The following XKR4 variants were observed in gnomAD, a reference collection of about 807,000 sequenced individuals.
XKR4 encodes XK-related protein 4.
XKR4 carries 12 observed loss-of-function variants against 53.9 expected under a neutral mutation model. That is an observed-to-expected ratio of 0.22 (90% CI 0.14 to 0.36). The LOEUF is 0.36. Ranked by LOEUF, XKR4 falls within the 10% of genes least tolerant of loss-of-function variation. XKR4 has a pLI of 1.00. For missense variants in XKR4, 799 were observed against 859.5 expected (o/e 0.93, Z 0.88); for synonymous variants, 354 against 362.4 (o/e 0.98, Z 0.26).
At chr8:55,178,330 G>A (rs527543056) in intron 1 of XKR4, among the ~76,000 whole-genome samples, 2 of 152,268 alleles carry the variant, frequency 1.3e-5, no homozygotes, top group South Asian at 4.2e-4. Context: ...GCTATTGTGT[G>A]ATCTTGGGCT....
intron 2 of XKR4, among the ~76,000 whole-genome samples, chr8:55,365,740 G>A (rs894137649): frequency 6.6e-6 from 1 of 150,760 alleles, no homozygotes; most frequent in South Asian, 2.1e-4. Context: ...GATTTAGATC[G>A]AGGAATGGGC....
chr8:55,173,104 G>A (rs1817184744), intron 1 of XKR4, among the ~76,000 whole-genome samples: 1 of 152,130 alleles, frequency 6.6e-6, no homozygotes. Flanking sequence ...TAGAATTACT[G>A]CAAATGCTCA....
chr8:55,345,791 T>A (rs1289466878), intron 1 of XKR4, among the ~76,000 whole-genome samples: 1 of 152,110 alleles, frequency 6.6e-6, no homozygotes, highest in Non-Finnish European at 1.5e-5. Context: ...ACAATGACAA[T>A]GAAGAGTGGA....
At chr8:55,247,855 C>CTTTCTTTCTTTTT (rs369983175) in intron 1 of XKR4, among the ~76,000 whole-genome samples, 1 of 59,856 alleles carries the variant, frequency 1.7e-5, no homozygotes, top group African/African-American at 4.5e-5. Flanking sequence ...TTCTTTCTTT[C>CTTTCTTTCTTTTT]TTTTTTTTTT....
intron 2 of XKR4, among the ~76,000 whole-genome samples, chr8:55,429,499 A>G (rs1473287998): frequency 1.3e-5 from 2 of 152,160 alleles, no homozygotes; most frequent in African/African-American, 2.4e-5. Context: ...GCTTGAGGCC[A>G]GCAGTTCAAG....
intron 1 of XKR4, among the ~76,000 whole-genome samples, chr8:55,315,733 T>C (rs1409608147): frequency 6.6e-6 from 1 of 152,164 alleles, no homozygotes. Context: ...CTCGTCAGTC[T>C]AGAAAACCCC....
intron 1 of XKR4, among the ~76,000 whole-genome samples, chr8:55,340,721 C>G (rs1180797301): frequency 2.6e-5 from 4 of 152,182 alleles, no homozygotes; most frequent in African/African-American, 9.7e-5. Context: ...AGTAGAATCT[C>G]AGGGGACAAG....
At chr8:55,168,673 T>C (rs1175202469) in intron 1 of XKR4, among the ~76,000 whole-genome samples, 1 of 152,220 alleles carries the variant, frequency 6.6e-6, no homozygotes, top group Non-Finnish European at 1.5e-5. Flanking sequence ...TGTATCTTCT[T>C]CTATCAAAAC....
intron 1 of XKR4, among the ~76,000 whole-genome samples, chr8:55,213,149 C>T (rs1817752249): frequency 6.6e-6 from 1 of 152,138 alleles, no homozygotes; most frequent in Middle Eastern, 3.2e-3. Context: ...TAAGCAAGTC[C>T]CAGCCTCATT....
At chr8:55,245,535 T>C (rs569743683) in intron 1 of XKR4, among the ~76,000 whole-genome samples, 30 of 152,326 alleles carry the variant, frequency 2.0e-4, no homozygotes, top group Middle Eastern at 3.4e-3. Context: ...GCTCACTGAT[T>C]GCATCGCTGT....
intron 2 of XKR4, among the ~76,000 whole-genome samples, chr8:55,366,390 A>G (rs1803986649): frequency 6.6e-6 from 1 of 152,222 alleles, no homozygotes; most frequent in Non-Finnish European, 1.5e-5. Context: ...CTGAAAGGCT[A>G]TGGTATGAGA....
intron 2 of XKR4, among the ~76,000 whole-genome samples, chr8:55,475,833 C>T (rs187175162): frequency 4.9e-4 from 75 of 151,964 alleles, no homozygotes; most frequent in African/African-American, 1.7e-3. Context: ...GAACTCCTGA[C>T]CTTGTGATCC....
intron 1 of XKR4, among the ~76,000 whole-genome samples, chr8:55,321,007 G>C (rs1803203439): frequency 6.6e-6 from 1 of 152,012 alleles, no homozygotes; most frequent in African/African-American, 2.4e-5. Flanking sequence ...AGCCAGATTG[G>C]AATCCCTCAG....
intron 2 of XKR4, among the ~76,000 whole-genome samples, chr8:55,460,631 G>T (rs182240930): frequency 1.3e-5 from 2 of 152,294 alleles, no homozygotes; most frequent in East Asian, 3.9e-4. Context: ...CAGACAGTGG[G>T]TGCAGGACAG....
intron 1 of XKR4, among the ~76,000 whole-genome samples, chr8:55,351,845 C>G (rs978436672): frequency 1.3e-5 from 2 of 152,212 alleles, no homozygotes; most frequent in Admixed American, 1.3e-4. Context: ...TGTTAAAATG[C>G]AAGTCAGATT....
intron 2 of XKR4, among the ~76,000 whole-genome samples, chr8:55,403,167 C>T (rs2939688): frequency 0.19 from 28,157 of 152,114 alleles, 5,511 homozygotes; most frequent in African/African-American, 0.5. Context: ...AGTAATTAAA[C>T]TAAATTTTGT....
At chr8:55,380,946 TA>T (rs1804223132) in intron 2 of XKR4, among the ~76,000 whole-genome samples, 1 of 152,246 alleles carries the variant, frequency 6.6e-6, no homozygotes, top group Non-Finnish European at 1.5e-5. Context: ...TTTCAGTTTA[TA>T]AAATGTTTTA....
chr8:55,209,683 T>G (rs1480454009), intron 1 of XKR4, among the ~76,000 whole-genome samples: 1 of 152,182 alleles, frequency 6.6e-6, no homozygotes, highest in Non-Finnish European at 1.5e-5. Context: ...GATGTGGCTG[T>G]GAGGCCAGGT....
At chr8:55,170,272 G>A (rs915405714) in intron 1 of XKR4, among the ~76,000 whole-genome samples, 8 of 152,274 alleles carry the variant, frequency 5.3e-5, no homozygotes, top group African/African-American at 1.7e-4. Flanking sequence ...CCATGATGCA[G>A]ATGAAAATAA....
Sources: allele counts gnomAD v4.1 joint callset (sites outside exome capture counted in the v4.1 genomes callset), GRCh38; gene constraint gnomAD v4.1.1; transcripts MANE v1.5; gene names NCBI Gene and HGNC (gene_info 2026-07-23, HGNC 2026-07-21).